XKR9: variants seen among roughly 807,000 people sequenced by gnomAD.
The protein encoded by XKR9 is XK-related protein 9.
Under a neutral mutation model 32.0 loss-of-function variants are expected in XKR9, and 32 were observed. That is an observed-to-expected ratio of 1.00 (90% CI 0.76 to 1.34). The LOEUF (loss-of-function observed/expected upper bound fraction) is 1.34. Ranked by LOEUF, XKR9 falls within the 40% of genes most tolerant of loss-of-function variation. The pLI is 0.00. For missense variants in XKR9, 546 were observed against 429.7 expected (o/e 1.27, Z -2.39); for synonymous variants, 168 against 143.4 (o/e 1.17, Z -1.22).
the XKR9 span, among the ~76,000 whole-genome samples, chr8:71,041,052 A>C: frequency 1.3e-5 from 2 of 152,184 alleles, no homozygotes; most frequent in African/African-American, 2.4e-5. Context: ...AGGATATGTT[A>C]AAAACTGTTT....
intron 2 of XKR9, among the ~76,000 whole-genome samples, chr8:70,788,490 A>G (rs1351079723): frequency 4.0e-5 from 6 of 151,874 alleles, no homozygotes; most frequent in East Asian, 3.9e-4. Flanking sequence ...TTTACACTGA[A>G]TCATTGAAAG....
the XKR9 span, among the ~76,000 whole-genome samples, chr8:70,804,104 G>A: frequency 6.6e-6 from 1 of 152,220 alleles, no homozygotes; most frequent in South Asian, 2.1e-4. Flanking sequence ...GGGTGGGGTT[G>A]CCCTCCCTGC....
the XKR9 span, among the ~76,000 whole-genome samples, chr8:70,859,000 C>A: frequency 6.6e-6 from 1 of 151,868 alleles, no homozygotes; most frequent in Non-Finnish European, 1.5e-5. Context: ...CAAACATAGA[C>A]AAATAGGATG....
chr8:70,773,749 T>C (rs1322808244), intron 2 of XKR9, among the ~76,000 whole-genome samples: 1 of 152,182 alleles, frequency 6.6e-6, no homozygotes, highest in Non-Finnish European at 1.5e-5. Flanking sequence ...GAGTGTGTCA[T>C]TGTAATATTT....
chr8:70,882,270 TAAATA>T, the XKR9 span, among the ~76,000 whole-genome samples: 3 of 151,596 alleles, frequency 2.0e-5, no homozygotes, highest in East Asian at 1.9e-4. Flanking sequence ...TAATAAAAAA[TAAATA>T]AAATAAACTT....
chr8:70,791,622 T>C (rs1421148515), downstream of XKR9, among the ~76,000 whole-genome samples: 1 of 152,016 alleles, frequency 6.6e-6, no homozygotes, highest in African/African-American at 2.4e-5. Context: ...CCCACCACTC[T>C]CTTTTACTCT....
At chr8:70,870,177 G>A in the XKR9 span, among the ~76,000 whole-genome samples, 3 of 152,108 alleles carry the variant, frequency 2.0e-5, no homozygotes. Flanking sequence ...ATATAAATAA[G>A]GGTCTTCTAG....
chr8:70,746,184 T>C (rs946774354), intron 2 of XKR9, among the ~76,000 whole-genome samples: 1 of 150,352 alleles, frequency 6.7e-6, no homozygotes, highest in Non-Finnish European at 1.5e-5. Context: ...TTATATACAG[T>C]AAAATAAACA....
chr8:70,978,128 C>G, the XKR9 span, among the ~76,000 whole-genome samples: 2 of 152,102 alleles, frequency 1.3e-5, no homozygotes, highest in African/African-American at 4.8e-5. Flanking sequence ...CTATGTGTGT[C>G]TCTGCACGTG....
At chr8:70,766,737 C>T (rs188454041) in intron 2 of XKR9, among the ~76,000 whole-genome samples, 3,318 of 152,220 alleles carry the variant, frequency 0.022, 135 homozygotes, top group African/African-American at 0.076. Context: ...GTGGGTTTGT[C>T]ATAAATAGCT....
At chr8:70,879,089 G>A in the XKR9 span, among the ~76,000 whole-genome samples, 1 of 152,138 alleles carries the variant, frequency 6.6e-6, no homozygotes, top group Non-Finnish European at 1.5e-5. Flanking sequence ...TAGAAATAAA[G>A]ATGCTCTTTG....
At chr8:70,988,459 G>A in the XKR9 span, among the ~76,000 whole-genome samples, 21 of 152,066 alleles carry the variant, frequency 1.4e-4, no homozygotes, top group African/African-American at 4.6e-4. Flanking sequence ...ACAACTCCAC[G>A]GTGCTGGAGT....
downstream of XKR9, among the ~76,000 whole-genome samples, chr8:70,793,865 G>T (rs986315622): frequency 6.6e-6 from 1 of 151,712 alleles, no homozygotes; most frequent in Non-Finnish European, 1.5e-5. Context: ...AGAATTTTAG[G>T]ATCAGCTCTC....
chr8:70,820,635 G>C, the XKR9 span, among the ~76,000 whole-genome samples: 1 of 152,126 alleles, frequency 6.6e-6, no homozygotes, highest in Non-Finnish European at 1.5e-5. Flanking sequence ...AACATGGCTG[G>C]GGAGGCCTTA....
At chr8:70,830,383 C>T in the XKR9 span, among the ~76,000 whole-genome samples, 8 of 151,724 alleles carry the variant, frequency 5.3e-5, no homozygotes, top group Admixed American at 3.9e-4. Flanking sequence ...GAGTTCGAGA[C>T]CTGCCTGGTC....
chr8:70,743,695 G>A (rs933945285), intron 2 of XKR9, among the ~76,000 whole-genome samples: 1 of 152,112 alleles, frequency 6.6e-6, no homozygotes, highest in Non-Finnish European at 1.5e-5. Context: ...CTTCCTTTCT[G>A]TTGGTTCTAT....
the XKR9 span, among the ~76,000 whole-genome samples, chr8:70,995,485 T>A: frequency 6.6e-6 from 1 of 152,208 alleles, no homozygotes; most frequent in African/African-American, 2.4e-5. Flanking sequence ...ACTCTCATTC[T>A]AATCTTCTTA....
At chr8:70,881,520 A>C in the XKR9 span, among the ~76,000 whole-genome samples, 1 of 152,334 alleles carries the variant, frequency 6.6e-6, no homozygotes, top group Admixed American at 6.5e-5. Context: ...AAAAATGCTC[A>C]TCATCACTTG....
chr8:70,885,232 G>C, the XKR9 span, among the ~76,000 whole-genome samples: 105 of 152,110 alleles, frequency 6.9e-4, no homozygotes, highest in African/African-American at 2.3e-3. Flanking sequence ...GACCTTGTAT[G>C]CTGCAAACTT....
Sources: allele counts gnomAD v4.1 joint callset (sites outside exome capture counted in the v4.1 genomes callset), GRCh38; gene constraint gnomAD v4.1.1; transcripts MANE v1.5; gene names NCBI Gene and HGNC (gene_info 2026-07-23, HGNC 2026-07-21).